MPHOSPH6: variants seen among roughly 807,000 people sequenced by gnomAD.
MPHOSPH6 encodes M-phase phosphoprotein 6.
MPHOSPH6 carries 25 observed loss-of-function variants against 21.8 expected under a neutral mutation model. That is an observed-to-expected ratio of 1.15 (90% CI 0.83 to 1.60). The LOEUF (loss-of-function observed/expected upper bound fraction) is 1.60, where lower values mean the gene tolerates loss of function less well. Ranked by LOEUF, MPHOSPH6 falls within the 40% of genes most tolerant of loss-of-function variation. The pLI, the probability that MPHOSPH6 is intolerant of heterozygous loss-of-function variation, is 0.00. For missense variants in MPHOSPH6, 269 were observed against 181.8 expected (o/e 1.48, Z -2.76); for synonymous variants, 84 against 56.5 (o/e 1.49, Z -2.18).
At chr16:82,156,242 A>C (rs964885209) in intron 2 of MPHOSPH6, among the ~76,000 whole-genome samples, 1 of 152,190 alleles carries the variant, frequency 6.6e-6, no homozygotes, top group Admixed American at 6.5e-5. Flanking sequence ...TCCTACATGC[A>C]CAGATGTATG....
intron 1 of MPHOSPH6, among the ~76,000 whole-genome samples, chr16:82,169,307 G>A (rs1279346061): frequency 6.6e-6 from 1 of 152,118 alleles, no homozygotes; most frequent in Non-Finnish European, 1.5e-5. Context: ...AATTTCCATG[G>A]TTTTCTTTTT....
intron 2 of MPHOSPH6, among the ~76,000 whole-genome samples, chr16:82,152,287 G>C (rs1018367772): frequency 6.6e-6 from 1 of 152,120 alleles, no homozygotes; most frequent in Non-Finnish European, 1.5e-5. Flanking sequence ...GGTGACTTCT[G>C]AGATTTTGGC....
At chr16:82,158,496 C>T (rs1179440211) in intron 2 of MPHOSPH6, among the ~76,000 whole-genome samples, 26 of 56,466 alleles carry the variant, frequency 4.6e-4, no homozygotes, top group African/African-American at 1.8e-3. Context: ...GAGACTCCGT[C>T]TCAAAAAAAA....
At chr16:82,165,133 A>AT (rs890222577) in intron 1 of MPHOSPH6, among the ~76,000 whole-genome samples, 9 of 93,124 alleles carry the variant, frequency 9.7e-5, no homozygotes, top group South Asian at 3.7e-4. Flanking sequence ...TTTTTTTTTT[A>AT]TTTTTTTTTT....
chr16:82,149,240 G>C, intron 4 of MPHOSPH6, 69 bp downstream of exon 4: 4 of 1,481,816 alleles, frequency 2.7e-6, no homozygotes, highest in Non-Finnish European at 2.8e-6. Context: ...TGTGGGGTAA[G>C]AGGAGCATTC....
At chr16:82,149,179 C>G in intron 4 of MPHOSPH6, 130 bp downstream of exon 4, 1 of 995,626 alleles carries the variant, frequency 1.0e-6, no homozygotes, top group Non-Finnish European at 1.5e-6. Flanking sequence ...AAGAGAAGGC[C>G]GATCACAGTC....
At chr16:82,156,735 A>C (rs1014655593) in intron 2 of MPHOSPH6, among the ~76,000 whole-genome samples, 3 of 152,194 alleles carry the variant, frequency 2.0e-5, no homozygotes, top group Non-Finnish European at 4.4e-5. Context: ...AACAAAACAA[A>C]ACTTGAGTAT....
At chr16:82,155,392 T>C (rs903892119) in intron 2 of MPHOSPH6, among the ~76,000 whole-genome samples, 14 of 152,158 alleles carry the variant, frequency 9.2e-5, no homozygotes, top group African/African-American at 2.9e-4. Context: ...ATGACATAAT[T>C]ATGCATGTAA....
At chr16:82,151,539 T>C in intron 2 of MPHOSPH6, 25 bp from the exon 3 acceptor site, 1 of 1,561,520 alleles carries the variant, frequency 6.4e-7, no homozygotes, top group South Asian at 1.2e-5. Flanking sequence ...AAAAATAGCA[T>C]TTCTCCATAT....
Position 82,149,360 on chromosome 16 carries a change from A to C in MPHOSPH6, c.299T>G (p.Val100Gly), listed in dbSNP as rs779745119. The stretch of plus-strand genomic sequence containing the variant: ...ATCAAGCTCTACTGTTTCATCTTCA[A>C]CTTCTTCTGCTTTGTGCTTAGCATT... ...QMNAKHKAEE[V>G]EDETVELDVS... The change falls in exon 4 of 5, where the codon GTT becomes GGT. Residue 100 changes from valine to glycine, a missense_variant. By Grantham distance (109) the Val-to-Gly change is moderately radical. Transcript: ENST00000258169. 6.2e-7 allele frequency: 1 copy of C among 1,613,116 alleles called. No individual in the cohort carries two copies. The highest frequency in any genetic ancestry group is 1.7e-5 in the Admixed American group (1 of 60,032).
At chr16:82,157,004 T>C (rs890617089) in intron 2 of MPHOSPH6, among the ~76,000 whole-genome samples, 4 of 152,070 alleles carry the variant, frequency 2.6e-5, no homozygotes, top group African/African-American at 9.7e-5. Flanking sequence ...TGAGCCGCGG[T>C]TGCGCCAGTG....
chr16:82,163,037 C>T (rs1047390541), intron 2 of MPHOSPH6, among the ~76,000 whole-genome samples: 2 of 152,206 alleles, frequency 1.3e-5, no homozygotes, highest in African/African-American at 4.8e-5. Context: ...CAACATCTTG[C>T]TTCCTCTGAG....
intron 1 of MPHOSPH6, among the ~76,000 whole-genome samples, chr16:82,169,718 C>T (rs1906907595): frequency 6.6e-6 from 1 of 152,162 alleles, no homozygotes; most frequent in Non-Finnish European, 1.5e-5. Flanking sequence ...AAGAGATATT[C>T]AGAGAAAGAA....
At chr16:82,160,986 G>C (rs186732742) in intron 2 of MPHOSPH6, among the ~76,000 whole-genome samples, 1 of 151,672 alleles carries the variant, frequency 6.6e-6, no homozygotes, top group South Asian at 2.1e-4. Flanking sequence ...AAGGGACAGA[G>C]AGAGGAATCT....
rs143500674 is a variant in MPHOSPH6, at chr16:82,148,841, T to C, written c.373A>G (p.Ile125Val). Residue 125 changes from isoleucine (I) to valine (V), a missense_variant, in exon 5 of 5, where the codon ATT (isoleucine) becomes GTT (valine). Transcript: ENST00000258169. ...ARRYETLVGT[I>V]GKKFARKRDH... ...CTCTTTCTGGCAAACTTTTTCCCAATTGTCCCCACCAAGGTCTCATATCTG... is the reference window on the plus strand; with the variant it reads ...CTCTTTCTGGCAAACTTTTTCCCAACTGTCCCCACCAAGGTCTCATATCTG... The C allele has an allele frequency of 4.5e-5, 73 of 1,614,162 alleles. No individual in the cohort carries two copies. In the African/African-American group the frequency reaches 7.5e-4, roughly 17 times the overall value.
chr16:82,162,597 C>G (rs180839191), intron 2 of MPHOSPH6, among the ~76,000 whole-genome samples: 2 of 152,186 alleles, frequency 1.3e-5, no homozygotes, highest in African/African-American at 2.4e-5. Context: ...CCCACCCACC[C>G]GTTGACTCTG....
At chr16:82,153,309 A>G (rs1906326457) in intron 2 of MPHOSPH6, among the ~76,000 whole-genome samples, 1 of 152,210 alleles carries the variant, frequency 6.6e-6, no homozygotes, top group Non-Finnish European at 1.5e-5. Context: ...CTGCACCATA[A>G]TTATATAAAA....
chr16:82,163,917 G>T, intron 2 of MPHOSPH6, 165 bp downstream of exon 2: 1 of 553,794 alleles, frequency 1.8e-6, no homozygotes, highest in Non-Finnish European at 3.1e-6. Context: ...ATAAATCCAT[G>T]TACAACTTCT....
Position 82,148,774 on chromosome 16 carries a change from G to T in MPHOSPH6, c.440C>A (p.Thr147Lys). 6.2e-7 allele frequency: 1 copy of T among 1,614,048 alleles called. No homozygotes were observed. Among genetic ancestry groups the T allele is most frequent in the Non-Finnish European group, 8.5e-7 (1 of 1,179,994 alleles). Residue 147 changes from threonine to lysine, a missense_variant, in exon 5 of 5, where the codon ACA becomes AAA. Thr to Lys is a moderately conservative substitution (Grantham distance 78). Transcript: ENST00000258169. ...NYEEDENGDITPIKAKKMFLK... is the reference protein window; with the variant it reads ...NYEEDENGDIKPIKAKKMFLK... ...GAACATCTTCTTTGCTTTAATTGGT[G>T]TTATGTCTCCATTTTCATCTTCTTC...
Sources: allele counts gnomAD v4.1 joint callset (sites outside exome capture counted in the v4.1 genomes callset), GRCh38; gene constraint gnomAD v4.1.1; transcripts MANE v1.5; gene names NCBI Gene and HGNC (gene_info 2026-07-23, HGNC 2026-07-21).